Variants in IDE observed in about 807,000 individuals in gnomAD.
The protein encoded by IDE is insulin-degrading enzyme.
In IDE, 58 loss-of-function variants were observed where a neutral mutation model predicts 133.2. That is an observed-to-expected ratio of 0.44 (90% confidence interval 0.35 to 0.54). IDE has a LOEUF of 0.54. IDE is among the 20% of genes least tolerant of loss of function. The pLI is 0.00. For synonymous variants in IDE, 396 were observed against 421.3 expected, an observed-to-expected ratio of 0.94 and a Z score of 0.73; for missense variants, 981 against 1,234.0, an observed-to-expected ratio of 0.79 and a Z score of 3.07.
intron 19 of IDE, among the ~76,000 whole-genome samples, chr10:92,467,621 G>A (rs979006900): frequency 3.9e-5 from 6 of 152,188 alleles, no homozygotes; most frequent in Non-Finnish European, 7.3e-5. Context: ...AAGTAAGAAG[G>A]ATGAATTGCA....
intron 15 of IDE, among the ~76,000 whole-genome samples, chr10:92,477,126 T>C (rs1409419499): frequency 6.6e-6 from 1 of 151,982 alleles, no homozygotes; most frequent in African/African-American, 2.4e-5. Context: ...AAGGATACAC[T>C]GTATGTATCA....
At chr10:92,560,643 C>A (rs1843234940) in intron 1 of IDE, among the ~76,000 whole-genome samples, 1 of 152,006 alleles carries the variant, frequency 6.6e-6, no homozygotes, top group Admixed American at 6.6e-5. Flanking sequence ...ATTAGCCAGG[C>A]ATGGTGGTGC....
At chr10:92,547,802 C>A (rs1842595849) in intron 1 of IDE, among the ~76,000 whole-genome samples, 1 of 152,162 alleles carries the variant, frequency 6.6e-6, no homozygotes, top group South Asian at 2.1e-4. Context: ...ATCTACTGAC[C>A]ACTTCCAGCC....
At chr10:92,479,238 A>G (rs1846453480) in intron 15 of IDE, 39 bp downstream of exon 15, 1 of 1,480,192 alleles carries the variant, frequency 6.8e-7, no homozygotes, top group African/African-American at 1.4e-5. Context: ...AATATAAAAA[A>G]TGTTGATGAG....
intron 4 of IDE, among the ~76,000 whole-genome samples, chr10:92,520,742 G>A (rs925468467): frequency 6.6e-6 from 1 of 152,164 alleles, no homozygotes; most frequent in Non-Finnish European, 1.5e-5. Flanking sequence ...TACAAGATAT[G>A]AGTTATAAAA....
intron 17 of IDE, among the ~76,000 whole-genome samples, chr10:92,472,210 C>A (rs1161429627): frequency 6.6e-6 from 1 of 152,072 alleles, no homozygotes; most frequent in Non-Finnish European, 1.5e-5. Context: ...TTTTAGGAAG[C>A]CTTCATATCC....
chr10:92,507,477 T>A (rs1848357332), intron 9 of IDE, 98 bp downstream of exon 9: 1 of 755,708 alleles, frequency 1.3e-6, no homozygotes, highest in African/African-American at 1.7e-5. Context: ...GGAAAAAAAC[T>A]TTAAAAGTTT....
At chr10:92,471,017 C>A (rs1376761998) in intron 17 of IDE, among the ~76,000 whole-genome samples, 1 of 152,168 alleles carries the variant, frequency 6.6e-6, no homozygotes, top group Non-Finnish European at 1.5e-5. Context: ...CCATCTACAC[C>A]TATTTTTCCC....
chr10:92,481,156 A>G (rs1846585034), intron 14 of IDE, among the ~76,000 whole-genome samples: 1 of 152,216 alleles, frequency 6.6e-6, no homozygotes, highest in Non-Finnish European at 1.5e-5. Flanking sequence ...AGAGGATATC[A>G]CAGAGGTCGG....
chr10:92,500,163 G>A (rs1847927871), intron 11 of IDE, among the ~76,000 whole-genome samples: 1 of 152,066 alleles, frequency 6.6e-6, no homozygotes, highest in African/African-American at 2.4e-5. Context: ...CAGACATGGT[G>A]GTGCGTGCCT....
At chr10:92,537,223 A>G (rs956840567) in intron 2 of IDE, 143 bp downstream of exon 2, 2 of 539,056 alleles carry the variant, frequency 3.7e-6, no homozygotes, top group Non-Finnish European at 6.2e-6. Context: ...GTTTACCAAT[A>G]GCTTTACGAG....
In IDE at chr10:92,459,426, T is replaced by C. The variant is rs554181161; in HGVS notation, c.2823+1765A>G. On this transcript the variant is annotated intron_variant, in intron 22 of 24. Coordinates refer to ENST00000265986, the MANE Select transcript of IDE (RefSeq NM_004969.4). ...CTGTAAGCACTGACTCCTATGCTGG[T>C]AGCTATAGTACATCCCTAGAAAAAA... Among the ~76,000 whole-genome samples the C allele has an allele frequency of 8.8e-4, 134 of 152,308 alleles. 1 individual carries two copies. Among genetic ancestry groups the C allele is most frequent in the African/African-American group, 3.2e-3 (131 of 41,560 alleles).
At chr10:92,541,660 G>C (rs1842312285) in intron 1 of IDE, among the ~76,000 whole-genome samples, 1 of 152,134 alleles carries the variant, frequency 6.6e-6, no homozygotes, top group Admixed American at 6.5e-5. Flanking sequence ...ATAAACTGGA[G>C]AGATATTTAG....
chr10:92,573,820 C>G, intron 1 of IDE, 102 bp downstream of exon 1: 1 of 792,258 alleles, frequency 1.3e-6, no homozygotes, highest in East Asian at 3.4e-5. Context: ...GCGTGAGGGG[C>G]AGCGGTGGCG....
chr10:92,478,099 TAA>T (rs1846379956), intron 15 of IDE, among the ~76,000 whole-genome samples: 1 of 152,210 alleles, frequency 6.6e-6, no homozygotes, highest in Non-Finnish European at 1.5e-5. Context: ...AATTGAGATA[TAA>T]GCAAGCTTGG....
chr10:92,518,334 C>G (rs1448077664), intron 4 of IDE, among the ~76,000 whole-genome samples: 1 of 152,116 alleles, frequency 6.6e-6, no homozygotes, highest in Non-Finnish European at 1.5e-5. Flanking sequence ...TTCTCTGTGG[C>G]TCAATCTCCT....
chr10:92,552,928 G>A (rs916697695), intron 1 of IDE, among the ~76,000 whole-genome samples: 8 of 143,072 alleles, frequency 5.6e-5, no homozygotes, highest in Middle Eastern at 7.3e-3. Context: ...GCTAGGGCAA[G>A]AAAAATATGA....
chr10:92,542,116 T>C (rs1460507382), intron 1 of IDE, among the ~76,000 whole-genome samples: 1 of 152,202 alleles, frequency 6.6e-6, no homozygotes, highest in Non-Finnish European at 1.5e-5. Context: ...AGAGCCCTTG[T>C]TTTGAAGGAA....
chr10:92,517,124 T>G (rs1848971412), intron 4 of IDE, among the ~76,000 whole-genome samples: 1 of 152,220 alleles, frequency 6.6e-6, no homozygotes, highest in Admixed American at 6.5e-5. Flanking sequence ...TCTTGTGTTT[T>G]TATAATATCT....
Sources: gnomAD v4.1 joint callset for allele counts (sites outside exome capture counted in the v4.1 genomes callset) on GRCh38, gnomAD v4.1.1 for gene constraint, MANE v1.5 for transcripts, NCBI Gene and HGNC (gene_info 2026-07-23, HGNC 2026-07-21) for gene names.